DZIP3: variants seen among roughly 807,000 people sequenced by gnomAD.
DZIP3 encodes the protein DAZ interacting zinc finger protein 3, also known as E3 ubiquitin-protein ligase DZIP3.
DZIP3 carries 118 observed loss-of-function variants against 162.0 expected under a neutral mutation model. The observed-to-expected ratio is 0.73, with a 90% CI of 0.63 to 0.85. DZIP3 has a LOEUF of 0.85. DZIP3 is among the 40% of genes least tolerant of loss of function. The probability of loss-of-function intolerance (pLI) is 0.00; values close to 1 mark genes in which losing one functional copy is unlikely to be tolerated. For missense variants in DZIP3, 1,331 were observed against 1,407.0 expected (o/e 0.95, Z 0.86); for synonymous variants, 438 against 458.6 (o/e 0.96, Z 0.57).
At chr3:108,644,905 A>G in intron 14 of DZIP3, 124 bp downstream of exon 14, 4 of 847,368 alleles carry the variant, frequency 4.7e-6, no homozygotes, top group African/African-American at 1.7e-5. Context: ...TGGACTCATC[A>G]GGAAGGTAAT....
At chr3:108,600,037 C>T (rs1939919408) in intron 1 of DZIP3, among the ~76,000 whole-genome samples, 1 of 152,116 alleles carries the variant, frequency 6.6e-6, no homozygotes. Context: ...ATTCTGATTC[C>T]AAGGAACTCC....
chr3:108,675,745 A>C, intron 24 of DZIP3, 41 bp from the exon 25 acceptor site: 1 of 1,559,204 alleles, frequency 6.4e-7, no homozygotes, highest in Non-Finnish European at 8.7e-7. Flanking sequence ...AAGTGTTATA[A>C]AAAGAAAGAG....
intron 12 of DZIP3, 147 bp from the exon 13 acceptor site, chr3:108,642,291 G>C: frequency 1.1e-6 from 1 of 873,222 alleles, no homozygotes; most frequent in Non-Finnish European, 1.6e-6. Flanking sequence ...TTGTTGGTGA[G>C]CTCTATTTGT....
intron 1 of DZIP3, among the ~76,000 whole-genome samples, chr3:108,593,034 T>C (rs1403870267): frequency 1.7e-5 from 2 of 116,764 alleles, no homozygotes; most frequent in African/African-American, 6.0e-5. Context: ...GCTTTTGATA[T>C]TCATCATGTT....
chr3:108,601,450 T>A (rs7647435), intron 1 of DZIP3, among the ~76,000 whole-genome samples: 129,136 of 152,218 alleles, frequency 0.85, 55,196 homozygotes, highest in East Asian at 1. Context: ...TTAAAAACTG[T>A]ATTCCTTTCC....
At chr3:108,641,579 C>G (rs1021503399) in intron 12 of DZIP3, among the ~76,000 whole-genome samples, 1 of 152,148 alleles carries the variant, frequency 6.6e-6, no homozygotes, top group Non-Finnish European at 1.5e-5. Flanking sequence ...TGCTAGGCCA[C>G]CTGTGTATAT....
chr3:108,630,521 T>C (rs1941783373), intron 8 of DZIP3, among the ~76,000 whole-genome samples: 1 of 152,104 alleles, frequency 6.6e-6, no homozygotes, highest in African/African-American at 2.4e-5. Flanking sequence ...TATTTTAATA[T>C]ACTTCTTTCA....
At chr3:108,609,234 C>A (rs1940562785) in intron 3 of DZIP3, among the ~76,000 whole-genome samples, 1 of 152,086 alleles carries the variant, frequency 6.6e-6, no homozygotes, top group Non-Finnish European at 1.5e-5. Flanking sequence ...GGAAAGTTTG[C>A]AGAGGTTATC....
intron 22 of DZIP3, 75 bp from the exon 23 acceptor site, chr3:108,672,481 ATCTT>A: frequency 1.7e-6 from 2 of 1,184,994 alleles, no homozygotes; most frequent in Non-Finnish European, 2.5e-6. Context: ...TGTATAACTT[ATCTT>A]TCTTCCTCCT....
intron 1 of DZIP3, among the ~76,000 whole-genome samples, chr3:108,595,995 A>G (rs1939694471): frequency 6.6e-6 from 1 of 152,250 alleles, no homozygotes; most frequent in African/African-American, 2.4e-5. Context: ...ATAGACAATA[A>G]GGCATATAAG....
intron 6 of DZIP3, among the ~76,000 whole-genome samples, chr3:108,625,461 A>G (rs898780796): frequency 6.6e-6 from 1 of 152,168 alleles, no homozygotes; most frequent in Admixed American, 6.5e-5. Flanking sequence ...GCGTCTCACT[A>G]TGTTGCCCAA....
chr3:108,661,473 C>T (rs1220627532), intron 19 of DZIP3, among the ~76,000 whole-genome samples: 11 of 151,992 alleles, frequency 7.2e-5, no homozygotes, highest in Admixed American at 5.2e-4. Context: ...CATCACACAT[C>T]GGGGCCTGTT....
intron 12 of DZIP3, among the ~76,000 whole-genome samples, chr3:108,639,877 T>C (rs903870956): frequency 6.6e-6 from 1 of 152,146 alleles, no homozygotes; most frequent in Admixed American, 6.5e-5. Context: ...TGATCATTGA[T>C]TCGAGACCTT....
chr3:108,677,445 G>A, intron 25 of DZIP3, 52 bp from the exon 26 acceptor site: 1 of 1,444,032 alleles, frequency 6.9e-7, no homozygotes, highest in East Asian at 2.3e-5. Context: ...CCCATATGCT[G>A]TCTCTTTAAA....
intron 27 of DZIP3, among the ~76,000 whole-genome samples, chr3:108,685,013 CTATAAG>C (rs1469008720): frequency 7.2e-5 from 11 of 152,142 alleles, no homozygotes; most frequent in Non-Finnish European, 1.3e-4. Context: ...CTTGATTTTC[CTATAAG>C]TATAATTAGG....
At chr3:108,682,800 G>A (rs1425341335) in intron 26 of DZIP3, among the ~76,000 whole-genome samples, 1 of 150,680 alleles carries the variant, frequency 6.6e-6, no homozygotes, top group Non-Finnish European at 1.5e-5. Flanking sequence ...ATGAAGTGAT[G>A]AATATGCCAA....
At chr3:108,629,334 A>G (rs968111339) in intron 8 of DZIP3, among the ~76,000 whole-genome samples, 158 bp downstream of exon 8, 4 of 152,206 alleles carry the variant, frequency 2.6e-5, no homozygotes, top group African/African-American at 9.6e-5. Flanking sequence ...ATGATTCAAC[A>G]AGGAGGGAGA....
At chr3:108,639,900 A>G (rs1324755847) in intron 12 of DZIP3, among the ~76,000 whole-genome samples, 1 of 151,418 alleles carries the variant, frequency 6.6e-6, no homozygotes, top group Non-Finnish European at 1.5e-5. Flanking sequence ...TTCTTTATAA[A>G]CTGATTTTAC....
chr3:108,640,784 G>A (rs1190137260), intron 12 of DZIP3, among the ~76,000 whole-genome samples: 1 of 152,000 alleles, frequency 6.6e-6, no homozygotes, highest in East Asian at 1.9e-4. Context: ...CTTGCCTTAA[G>A]TGTTTTTTGT....
Sources: allele counts gnomAD v4.1 joint callset (sites outside exome capture counted in the v4.1 genomes callset), GRCh38; gene constraint gnomAD v4.1.1; transcripts MANE v1.5; gene names NCBI Gene and HGNC (gene_info 2026-07-23, HGNC 2026-07-21).